EPCAM: variants seen among roughly 807,000 people sequenced by gnomAD.
EPCAM encodes epithelial cell adhesion molecule.
Under a neutral mutation model 40.0 loss-of-function variants are expected in EPCAM, and 39 were observed. That is an observed-to-expected ratio of 0.98 (90% CI 0.76 to 1.27). The LOEUF is 1.27. Ranked by LOEUF, EPCAM falls within the 50% of genes most tolerant of loss-of-function variation. The probability of loss-of-function intolerance (pLI) is 0.00; values close to 1 mark genes in which losing one functional copy is unlikely to be tolerated. For synonymous variants in EPCAM, 168 were observed against 132.3 expected (o/e 1.27, Z -1.85); for missense variants, 503 against 381.2 (o/e 1.32, Z -2.66).
At chr2:47,386,536 A>G (rs774199128) in intron 8 of EPCAM, 36 bp from the exon 9 acceptor site, 2 of 1,534,586 alleles carry the variant, frequency 1.3e-6, no homozygotes, top group South Asian at 2.4e-5. Context: ...TTGAAAAATT[A>G]TTTAGAATTT....
At chr2:47,371,111 C>A (rs934982609) in intron 1 of EPCAM, among the ~76,000 whole-genome samples, 3 of 152,220 alleles carry the variant, frequency 2.0e-5, no homozygotes, top group Non-Finnish European at 4.4e-5. Context: ...TCCCAGAGTG[C>A]TGGGATTACA....
chr2:47,373,231 A>AAAAAAAAAAAAAAAAAAC (rs1558434793), intron 1 of EPCAM, among the ~76,000 whole-genome samples: 1 of 137,230 alleles, frequency 7.3e-6, no homozygotes. Flanking sequence ...AAAAAAAAAA[A>AAAAAAAAAAAAAAAAAAC]AAAACAGGAA....
At chr2:47,372,492 A>AG (rs1381311732) in intron 1 of EPCAM, among the ~76,000 whole-genome samples, 2 of 151,888 alleles carry the variant, frequency 1.3e-5, no homozygotes, top group African/African-American at 4.8e-5. Context: ...AGAAAAAAAA[A>AG]GCCGGGCGCG....
chr2:47,376,016 G>A (rs535090924), intron 4 of EPCAM, among the ~76,000 whole-genome samples: 3 of 151,984 alleles, frequency 2.0e-5, no homozygotes, highest in East Asian at 3.9e-4. Flanking sequence ...GAAATTTAAC[G>A]TTATATCACG....
rs755113500 is a variant in EPCAM, at chr2:47,373,461, A to G, written c.77-2A>G. The G allele has an allele frequency of 6.3e-7, 1 of 1,594,788 alleles. No homozygotes were observed. Among genetic ancestry groups the G allele is most frequent in the South Asian group, 1.1e-5 (1 of 90,470 alleles). ...AAGTAGATTTTTTTTTTAATTTTCTAGAATGTGTCTGTGAAAACTACAAGC... is the reference window on the plus strand; with the variant it reads ...AAGTAGATTTTTTTTTTAATTTTCTGGAATGTGTCTGTGAAAACTACAAGC... On this transcript the variant is annotated splice_acceptor_variant, in intron 1 of 8. Transcript: ENST00000263735. LOFTEE classifies it high-confidence loss of function.
intron 7 of EPCAM, among the ~76,000 whole-genome samples, chr2:47,384,686 G>C (rs114067131): frequency 1.3e-5 from 2 of 151,606 alleles, no homozygotes; most frequent in African/African-American, 4.8e-5. Flanking sequence ...ACAAAGTACC[G>C]GTGAGCCACC....
chr2:47,373,965 C>G lies in EPCAM; in HGVS notation c.342C>G (p.Ser114=). 6.2e-7 allele frequency: 1 copy of G among 1,614,084 alleles called. No homozygotes were observed. Among genetic ancestry groups the G allele is most frequent in the South Asian group, 1.1e-5 (1 of 91,080 alleles). Residue 114 remains serine, a synonymous_variant, in exon 3 of 9, where the codon TCC becomes TCG. Coordinates refer to ENST00000263735, the MANE Select transcript of EPCAM (RefSeq NM_002354.3). ...AGGCCAAGCAGTGCAACGGCACCTC[C>G]ATGTGCTGGTGTGTGAACACTGCTG... is the stretch of plus-strand genomic sequence containing the variant. The part of the protein sequence containing the change: ...LFKAKQCNGT[S]MCWCVNTAGV...
At chr2:47,377,257 G>C (rs995416040) in intron 5 of EPCAM, among the ~76,000 whole-genome samples, 180 bp downstream of exon 5, 10 of 151,916 alleles carry the variant, frequency 6.6e-5, no homozygotes, top group African/African-American at 2.4e-4. Flanking sequence ...GTTTCTTTAA[G>C]ACAGACTATT....
chr2:47,370,856 C>A (rs564885593), intron 1 of EPCAM, among the ~76,000 whole-genome samples: 18 of 152,080 alleles, frequency 1.2e-4, no homozygotes, highest in Non-Finnish European at 2.4e-4. Context: ...GCTGGGACTA[C>A]AGGCATGCAC....
Position 47,373,956 on chromosome 2 carries a change from C to CGGCA in EPCAM, c.334_337dup (p.Thr113ArgfsTer21), listed in dbSNP as rs1558435293. ...GGCTCTTTAAGGCCAAGCAGTGCAA[C>CGGCA]GGCACCTCCATGTGCTGGTGTGTGA... is the stretch of plus-strand genomic sequence containing the variant. On this transcript the variant is annotated frameshift_variant, in exon 3 of 9. Coordinates refer to ENST00000263735, the MANE Select transcript of EPCAM (RefSeq NM_002354.3). LOFTEE classifies it high-confidence loss of function. The CGGCA allele has an allele frequency of 6.2e-7, 1 of 1,614,000 alleles. No individual in the cohort carries two copies. Among genetic ancestry groups the CGGCA allele is most frequent in the African/African-American group, 1.3e-5 (1 of 74,978 alleles).
chr2:47,369,526 C>A lies in EPCAM; in HGVS notation c.21C>A (p.Leu7=), dbSNP rs878854487. 5.1e-6 allele frequency: 8 copies of A among 1,573,048 alleles called. No individual in the cohort carries two copies. The highest frequency in any genetic ancestry group is 2.3e-5 in the East Asian group (1 of 42,950). Reference sequence around the variant, plus strand: ...GCAGCATGGCGCCCCCGCAGGTCCTCGCGTTCGGGCTTCTGCTTGCCGCGG... The same window carrying A: ...GCAGCATGGCGCCCCCGCAGGTCCTAGCGTTCGGGCTTCTGCTTGCCGCGG... MAPPQV[L]AFGLLLAAAT... Residue 7 remains leucine, a synonymous_variant, in exon 1 of 9, where the codon CTC becomes CTA. Coordinates refer to ENST00000263735, the MANE Select transcript of EPCAM (RefSeq NM_002354.3).
chr2:47,380,217 G>C (rs545984211), intron 7 of EPCAM, among the ~76,000 whole-genome samples: 1 of 152,170 alleles, frequency 6.6e-6, no homozygotes, highest in South Asian at 2.1e-4. Context: ...TTAGGAGGCT[G>C]ATGTGGGAGT....
chr2:47,373,767 A>G, intron 2 of EPCAM, 41 bp from the exon 3 acceptor site: 2 of 1,613,532 alleles, frequency 1.2e-6, no homozygotes, highest in Non-Finnish European at 1.7e-6. Context: ...TAATCATGAA[A>G]TCAGTTATTT....
At chr2:47,373,694 G>C (rs2103746487) in intron 2 of EPCAM, 114 bp from the exon 3 acceptor site, 2 of 1,492,302 alleles carry the variant, frequency 1.3e-6, no homozygotes, top group Non-Finnish European at 1.9e-6. Context: ...AGTAAGTGTG[G>C]GAACACATAA....
chr2:47,373,981 AACACTGCTGGG>A lies in EPCAM; in HGVS notation c.359_369del (p.Asn120SerfsTer9). 1 of 1,614,166 alleles carries A rather than the reference AACACTGCTGGG, an allele frequency of 6.2e-7. No homozygotes were observed. Among genetic ancestry groups the A allele is most frequent in the East Asian group, 2.2e-5 (1 of 44,888 alleles). The stretch of plus-strand genomic sequence containing the variant: ...CGGCACCTCCATGTGCTGGTGTGTG[AACACTGCTGGG>A]GTCAGAAGAACAGACAAGGACACTG... On this transcript the variant is annotated frameshift_variant, in exon 3 of 9. Coordinates refer to ENST00000263735, the MANE Select transcript of EPCAM (RefSeq NM_002354.3). LOFTEE classifies it high-confidence loss of function.
At chr2:47,372,737 A>T (rs781322389) in intron 1 of EPCAM, among the ~76,000 whole-genome samples, 1 of 151,728 alleles carries the variant, frequency 6.6e-6, no homozygotes, top group Non-Finnish European at 1.5e-5. Flanking sequence ...GTACCACTGC[A>T]ATCCAGCCTG....
At position 47,378,303 on chromosome 2, in the gene EPCAM, T is replaced by C. The variant is rs890011267; in HGVS notation, c.556-650T>C. ...CCTTGCATTTCTTTTTCTTTTCTTT[T>C]TTTTTTTTTTTTTTTGAGACGGAGT... is the stretch of plus-strand genomic sequence containing the variant. On this transcript the variant is annotated intron_variant, in intron 5 of 8. Transcript: ENST00000263735. Among the ~76,000 whole-genome samples the C allele has an allele frequency of 1.8e-4, 26 of 148,526 alleles. 1 individual carries two copies. Among genetic ancestry groups the C allele is most frequent in the African/African-American group, 5.4e-4 (22 of 40,798 alleles).
In EPCAM at chr2:47,369,484, C is replaced by T. The variant is rs771705322; in HGVS notation, c.-22C>T. 3.3e-6 allele frequency: 5 copies of T among 1,519,754 alleles called. No homozygotes were observed. The highest frequency in any genetic ancestry group is 4.4e-6 in the Non-Finnish European group (5 of 1,138,146). The allele number at this position is 1,519,754 out of a possible 1,614,324, so 94.1% of individuals were successfully genotyped here. A position where few individuals can be genotyped will look rare whatever the true frequency, so the allele number is the denominator to read the frequency against. ...CGAGTCCCGGGCCCCTCCCGCGCCCCTCTTCTCGGCGCGCGCGCAGCATGG... is the reference window on the plus strand; with the variant it reads ...CGAGTCCCGGGCCCCTCCCGCGCCCTTCTTCTCGGCGCGCGCGCAGCATGG... On this transcript the variant is annotated 5_prime_UTR_variant, in exon 1 of 9. Transcript: ENST00000263735.
intron 7 of EPCAM, among the ~76,000 whole-genome samples, chr2:47,384,881 A>T (rs941040975): frequency 6.6e-6 from 1 of 151,702 alleles, no homozygotes; most frequent in African/African-American, 2.4e-5. Context: ...TAATTTTTGT[A>T]TTTGTAGTAG....
Sources: allele counts gnomAD v4.1 joint callset (sites outside exome capture counted in the v4.1 genomes callset), GRCh38; gene constraint gnomAD v4.1.1; transcripts MANE v1.5; gene names NCBI Gene and HGNC (gene_info 2026-07-23, HGNC 2026-07-21).